The following ATXN10 variants were observed in gnomAD, a reference collection of about 807,000 sequenced individuals.
ATXN10 encodes the protein ataxin-10.
A neutral mutation model predicts 52.9 loss-of-function variants in ATXN10; 28 were observed. That is an observed-to-expected ratio of 0.53 (90% CI 0.39 to 0.73). The LOEUF (loss-of-function observed/expected upper bound fraction) is 0.73, where lower values mean the gene tolerates loss of function less well. Among genes scored for constraint, ATXN10 ranks in the 30% least tolerant of loss-of-function variants. The probability of loss-of-function intolerance (pLI) is 0.00; values close to 1 mark genes in which losing one functional copy is unlikely to be tolerated. For synonymous variants in ATXN10, 226 were observed against 221.5 expected (o/e 1.02, Z -0.18); for missense variants, 565 against 577.0 (o/e 0.98, Z 0.21).
At chr22:45,695,273 G>A (rs1390352950) in intron 3 of ATXN10, among the ~76,000 whole-genome samples, 1 of 147,890 alleles carries the variant, frequency 6.8e-6, no homozygotes, top group Non-Finnish European at 1.5e-5. Context: ...GCAGTGAGCC[G>A]AGATTGCCGC....
At chr22:45,737,388 A>G (rs1925337545) in intron 7 of ATXN10, among the ~76,000 whole-genome samples, 2 of 152,176 alleles carry the variant, frequency 1.3e-5, no homozygotes, top group Admixed American at 1.3e-4. Context: ...TACACCTTTA[A>G]CAAAAGAGGT....
chr22:45,805,760 G>C lies in ATXN10; in HGVS notation c.1174-1199G>C, dbSNP rs1928079879. Among the ~76,000 whole-genome samples, 1 of 152,098 alleles carries C rather than the reference G, an allele frequency of 6.6e-6. No individual in the cohort carries two copies. Among genetic ancestry groups the C allele is most frequent in the Non-Finnish European group, 1.5e-5 (1 of 67,994 alleles). The stretch of plus-strand genomic sequence containing the variant: ...TTCTTTTAGGGGTGAGGAAAATGTT[G>C]GAAAATTGGATCATGCTAATGGTTA... On this transcript the variant is annotated intron_variant, in intron 9 of 11. Coordinates refer to ENST00000252934, the MANE Select transcript of ATXN10 (RefSeq NM_013236.4). The surrounding 1 kb of genome is among the most constrained non-coding windows in gnomAD (Gnocchi z 4.4).
chr22:45,839,086 T>G (rs1253403750), intron 10 of ATXN10, among the ~76,000 whole-genome samples: 3 of 152,250 alleles, frequency 2.0e-5, no homozygotes. Flanking sequence ...ACTTAAAATA[T>G]GTAAGAGTAT....
chr22:45,759,287 G>T lies in ATXN10; in HGVS notation c.1173+18749G>T, dbSNP rs1389439275. On this transcript the variant is annotated intron_variant, in intron 9 of 11. Coordinates refer to ENST00000252934, the MANE Select transcript of ATXN10 (RefSeq NM_013236.4). The surrounding 1 kb of genome is among the most constrained non-coding windows in gnomAD (Gnocchi z 5.4). ...AACACTTTGGGAGGCTGAGGTGGGC[G>T]GATCACCTGAGGTCAGGAGTTCAAG... Among the ~76,000 whole-genome samples, 3 of 152,178 alleles carry T rather than the reference G, an allele frequency of 2.0e-5. No individual in the cohort carries two copies. Among genetic ancestry groups the T allele is most frequent in the Non-Finnish European group, 4.4e-5 (3 of 68,030 alleles).
intron 10 of ATXN10, among the ~76,000 whole-genome samples, chr22:45,808,651 T>TA (rs1198479894): frequency 6.6e-6 from 1 of 152,202 alleles, no homozygotes; most frequent in African/African-American, 2.4e-5. Context: ...GATGATGAAA[T>TA]AAAACTGAGT....
In ATXN10 at chr22:45,770,990, G is replaced by A. The variant is rs1454839135; in HGVS notation, c.1173+30452G>A. ...GAGGCCAGCCCTTTTGGCTCTCTGC[G>A]GCTGCCTTCTTCCCTCCAATGCAAA... On this transcript the variant is annotated intron_variant, in intron 9 of 11. Coordinates refer to ENST00000252934, the MANE Select transcript of ATXN10 (RefSeq NM_013236.4). The surrounding 1 kb of genome is among the most constrained non-coding windows in gnomAD (Gnocchi z 4.5). 3.3e-5 allele frequency among the ~76,000 whole-genome samples: 5 copies of A among 152,126 alleles called. No individual in the cohort carries two copies. The highest frequency in any genetic ancestry group is 4.2e-4 in the South Asian group (2 of 4,818).
In ATXN10 at chr22:45,816,399, T is replaced by C. The variant is rs2146894858; in HGVS notation, c.1237+9377T>C. Among the ~76,000 whole-genome samples the C allele has an allele frequency of 6.6e-6, 1 of 152,310 alleles. No homozygotes were observed. Among genetic ancestry groups the C allele is most frequent in the East Asian group, 1.9e-4 (1 of 5,178 alleles). On this transcript the variant is annotated intron_variant, in intron 10 of 11. Transcript: ENST00000252934. This position sits in a 1 kb window ranked among gnomAD's most constrained non-coding sequence, Gnocchi z 5.8. ...TCTCTTTCCTCCTTTTAGACTTCGG[T>C]CATGTATGTCTTCCTCTCAGAGTTC...
chr22:45,776,899 C>T (rs571137369), intron 9 of ATXN10, among the ~76,000 whole-genome samples: 3 of 152,084 alleles, frequency 2.0e-5, no homozygotes, highest in Admixed American at 6.5e-5. Context: ...GGATCTGTAC[C>T]GTTTTCAGCT....
Position 45,840,518 on chromosome 22 carries a change from G to A in ATXN10, c.1238-2473G>A, listed in dbSNP as rs1387256478. ...AGCACATCCCAGGTCAGGGATTCGT[G>A]TGTGCAGAGACAGAGGGGAGGCCAG... On this transcript the variant is annotated intron_variant, in intron 10 of 11. Coordinates refer to ENST00000252934, the MANE Select transcript of ATXN10 (RefSeq NM_013236.4). This position sits in a 1 kb window ranked among gnomAD's most constrained non-coding sequence, Gnocchi z 5.8. Among the ~76,000 whole-genome samples, 1 of 152,216 alleles carries A rather than the reference G, an allele frequency of 6.6e-6. No homozygotes were observed. Among genetic ancestry groups the A allele is most frequent in the African/African-American group, 2.4e-5 (1 of 41,454 alleles).
At position 45,820,161 on chromosome 22, in the gene ATXN10, C is replaced by T. The variant is rs1444763939; in HGVS notation, c.1237+13139C>T. ...ATTAAAAAGCAAAAACGTATTGGGC[C>T]TGTTGGATTCTGTGAAGGGTTCTTC... On this transcript the variant is annotated intron_variant, in intron 10 of 11. Transcript: ENST00000252934. The surrounding 1 kb of genome is among the most constrained non-coding windows in gnomAD (Gnocchi z 4.9). Among the ~76,000 whole-genome samples, 1 of 152,144 alleles carries T rather than the reference C, an allele frequency of 6.6e-6. No homozygotes were observed. Among genetic ancestry groups the T allele is most frequent in the Non-Finnish European group, 1.5e-5 (1 of 68,030 alleles).
At chr22:45,673,681 T>A (rs1207972660) in intron 1 of ATXN10, 1 of 152,126 alleles carries the variant, frequency 6.6e-6, no homozygotes, top group Admixed American at 6.5e-5. Flanking sequence ...AATAAACACA[T>A]TGTAATGGAA....
At position 45,684,990 on chromosome 22, in the gene ATXN10, C is replaced by T. The variant is rs1206061277; in HGVS notation, c.117-4722C>T. ...TTTCTCACTGGCAGTTGTTAAACTA[C>T]TCTAAACCACATATGCCAGTTTTTA... On this transcript the variant is annotated intron_variant, in intron 1 of 11. Coordinates refer to ENST00000252934, the MANE Select transcript of ATXN10 (RefSeq NM_013236.4). This position sits in a 1 kb window ranked among gnomAD's most constrained non-coding sequence, Gnocchi z 4.1. 6.6e-6 allele frequency among the ~76,000 whole-genome samples: 1 copy of T among 152,098 alleles called. No homozygotes were observed. The highest frequency in any genetic ancestry group is 1.5e-5 in the Non-Finnish European group (1 of 68,026).
In ATXN10 at chr22:45,759,268, T is replaced by G. The variant is rs1926290327; in HGVS notation, c.1173+18730T>G. 6.6e-6 allele frequency among the ~76,000 whole-genome samples: 1 copy of G among 152,080 alleles called. No individual in the cohort carries two copies. Among genetic ancestry groups the G allele is most frequent in the South Asian group, 2.1e-4 (1 of 4,822 alleles). The stretch of plus-strand genomic sequence containing the variant: ...GGTTCACACCTGTAATCCCAACACT[T>G]TGGGAGGCTGAGGTGGGCGGATCAC... On this transcript the variant is annotated intron_variant, in intron 9 of 11. Transcript: ENST00000252934. This position sits in a 1 kb window ranked among gnomAD's most constrained non-coding sequence, Gnocchi z 5.4.
In ATXN10 at chr22:45,762,034, C is replaced by T. The variant is rs1373405071; in HGVS notation, c.1173+21496C>T. ...CAGGTTTTCTGATTTTTAAAAACTT[C>T]CTATTTAGTCATATGTTTTTACTTC... On this transcript the variant is annotated intron_variant, in intron 9 of 11. Transcript: ENST00000252934. This position sits in a 1 kb window ranked among gnomAD's most constrained non-coding sequence, Gnocchi z 4.3. 6.6e-6 allele frequency among the ~76,000 whole-genome samples: 1 copy of T among 152,122 alleles called. No individual in the cohort carries two copies. The highest frequency in any genetic ancestry group is 1.5e-5 in the Non-Finnish European group (1 of 68,028).
chr22:45,830,451 A>C (rs971891615), intron 10 of ATXN10, among the ~76,000 whole-genome samples: 4 of 152,238 alleles, frequency 2.6e-5, no homozygotes, highest in African/African-American at 9.6e-5. Flanking sequence ...TATATTTGCA[A>C]ATTATTTATT....
At chr22:45,756,168 C>T (rs9626196) in intron 9 of ATXN10, among the ~76,000 whole-genome samples, 2,341 of 151,812 alleles carry the variant, frequency 0.015, 68 homozygotes, top group African/African-American at 0.054. Flanking sequence ...TTTAAAGAGA[C>T]AAGGTTGTGC....
intron 7 of ATXN10, among the ~76,000 whole-genome samples, chr22:45,737,965 T>C (rs1004468004): frequency 6.6e-6 from 1 of 152,072 alleles, no homozygotes; most frequent in African/African-American, 2.4e-5. Flanking sequence ...GGCCTCCCAA[T>C]GTGAAGAATG....
At chr22:45,722,874 C>G (rs911149044) in intron 6 of ATXN10, among the ~76,000 whole-genome samples, 7 of 152,022 alleles carry the variant, frequency 4.6e-5, no homozygotes, top group Non-Finnish European at 8.8e-5. Flanking sequence ...CATCTGTTTT[C>G]TTTCTCATTT....
intron 10 of ATXN10, among the ~76,000 whole-genome samples, chr22:45,811,090 T>TTA (rs1391772054): frequency 6.6e-6 from 1 of 152,226 alleles, no homozygotes; most frequent in African/African-American, 2.4e-5. Context: ...TACTTTGATT[T>TTA]ATCAGAGAGG....
Sources: allele counts gnomAD v4.1 joint callset (sites outside exome capture counted in the v4.1 genomes callset), GRCh38; gene constraint gnomAD v4.1.1; non-coding constraint Gnocchi (gnomAD v3.1); transcripts MANE v1.5; gene names NCBI Gene and HGNC (gene_info 2026-07-23, HGNC 2026-07-21).